MAGI2: variants seen among roughly 807,000 people sequenced by gnomAD.
MAGI2 encodes membrane-associated guanylate kinase, WW and PDZ domain-containing protein 2.
In MAGI2, 35 loss-of-function variants were observed where a neutral mutation model predicts 133.3. The observed-to-expected ratio is 0.26, with a 90% CI of 0.20 to 0.35. The LOEUF is 0.35. Among genes scored for constraint, MAGI2 ranks in the 10% least tolerant of loss-of-function variants. The pLI is 1.00. For synonymous variants in MAGI2, 729 were observed against 710.6 expected (o/e 1.03, Z -0.41); for missense variants, 1,636 against 1,863.4 (o/e 0.88, Z 2.25).
intron 9 of MAGI2, among the ~76,000 whole-genome samples, chr7:78,277,367 T>C (rs1170255503): frequency 2.0e-5 from 3 of 152,222 alleles, no homozygotes; most frequent in African/African-American, 7.2e-5. Context: ...CTCTTCTCTT[T>C]GGAATAACGT....
chr7:78,641,446 C>T (rs908850877), intron 2 of MAGI2, among the ~76,000 whole-genome samples: 5 of 152,188 alleles, frequency 3.3e-5, no homozygotes, highest in African/African-American at 7.2e-5. Context: ...CAAATGAGCA[C>T]AGCTGTGTTC....
chr7:78,303,780 C>T (rs1309814139), intron 9 of MAGI2, among the ~76,000 whole-genome samples: 2 of 152,168 alleles, frequency 1.3e-5, no homozygotes, highest in Non-Finnish European at 2.9e-5. Context: ...ATCTCATCTA[C>T]TCCCATGGTT....
At chr7:78,361,423 A>C in intron 7 of MAGI2, among the ~76,000 whole-genome samples, 2 of 150,622 alleles carry the variant, frequency 1.3e-5, no homozygotes, top group Non-Finnish European at 1.5e-5. Flanking sequence ...AGACAAATAC[A>C]ACCCCCCTCC....
chr7:78,298,244 G>A (rs184745502), intron 9 of MAGI2, among the ~76,000 whole-genome samples: 1 of 152,242 alleles, frequency 6.6e-6, no homozygotes, highest in Admixed American at 6.5e-5. Context: ...CTAAAAAACT[G>A]TCATGGCCAT....
intron 6 of MAGI2, among the ~76,000 whole-genome samples, chr7:78,386,330 T>C (rs1054387277): frequency 6.6e-6 from 1 of 152,168 alleles, no homozygotes; most frequent in African/African-American, 2.4e-5. Flanking sequence ...CTTTGTTTCA[T>C]GGTAGAAGGA....
At chr7:78,977,475 GAAAGAAAGAAAGAAAGAA>G (rs1473078840) in intron 2 of MAGI2, among the ~76,000 whole-genome samples, 198 of 3,590 alleles carry the variant, frequency 0.055, 1 homozygote, top group African/African-American at 0.11. Context: ...AAGAAAGAAA[GAAAGAAAGAAAGAAAGAA>G]AGAAAGAAAG....
At chr7:78,984,602 T>C (rs1584579634) in intron 2 of MAGI2, among the ~76,000 whole-genome samples, 1 of 151,894 alleles carries the variant, frequency 6.6e-6, no homozygotes, top group South Asian at 2.1e-4. Flanking sequence ...CAGCTTTTGT[T>C]GTCTTCCTTT....
chr7:78,910,717 T>C (rs1022710480), intron 2 of MAGI2, among the ~76,000 whole-genome samples: 1 of 152,208 alleles, frequency 6.6e-6, no homozygotes, highest in African/African-American at 2.4e-5. Flanking sequence ...ATCCTTTATA[T>C]ATTTTCTAAT....
chr7:78,793,975 G>C (rs1220090457), intron 2 of MAGI2, among the ~76,000 whole-genome samples: 4 of 152,020 alleles, frequency 2.6e-5, no homozygotes, highest in Admixed American at 6.6e-5. Flanking sequence ...TTTAAATTAG[G>C]GTTTTTTGAA....
chr7:78,655,564 C>T (rs1218755370), intron 2 of MAGI2, among the ~76,000 whole-genome samples: 8 of 149,892 alleles, frequency 5.3e-5, no homozygotes, highest in Admixed American at 2.7e-4. Context: ...TCCTTCAGGG[C>T]GGCATCACCA....
At chr7:78,666,528 G>C (rs527511968) in intron 2 of MAGI2, among the ~76,000 whole-genome samples, 1 of 152,116 alleles carries the variant, frequency 6.6e-6, no homozygotes, top group Non-Finnish European at 1.5e-5. Context: ...TCAAAATCTA[G>C]CCATTATATT....
At chr7:79,364,632 G>A (rs376581024) in intron 1 of MAGI2, among the ~76,000 whole-genome samples, 2 of 151,954 alleles carry the variant, frequency 1.3e-5, no homozygotes, top group Non-Finnish European at 1.5e-5. Context: ...TCCTATATTA[G>A]ATCCCACACA....
chr7:79,319,659 G>C (rs1457187599), intron 1 of MAGI2, among the ~76,000 whole-genome samples: 2 of 152,124 alleles, frequency 1.3e-5, no homozygotes, highest in African/African-American at 4.8e-5. Context: ...ATAGTTAAGT[G>C]GTCATAGGAG....
intron 1 of MAGI2, among the ~76,000 whole-genome samples, chr7:79,351,516 G>A (rs1216390460): frequency 3.3e-5 from 5 of 152,138 alleles, no homozygotes; most frequent in African/African-American, 1.2e-4. Context: ...TATAAATAAA[G>A]AGAGCAAGCT....
At chr7:78,407,969 T>C (rs945913892) in intron 6 of MAGI2, among the ~76,000 whole-genome samples, 57 of 151,958 alleles carry the variant, frequency 3.8e-4, no homozygotes, top group African/African-American at 1.1e-3. Flanking sequence ...CCAAGAAGCA[T>C]ATTATTTATT....
intron 1 of MAGI2, among the ~76,000 whole-genome samples, chr7:79,442,111 A>G (rs1011620986): frequency 6.6e-5 from 10 of 152,200 alleles, no homozygotes; most frequent in Non-Finnish European, 1.3e-4. Flanking sequence ...TCCACCAGCC[A>G]CTTTGCGATA....
intron 1 of MAGI2, among the ~76,000 whole-genome samples, chr7:79,106,251 A>G (rs1818438436): frequency 6.6e-6 from 1 of 152,174 alleles, no homozygotes; most frequent in Non-Finnish European, 1.5e-5. Context: ...CTGGAAAGAG[A>G]AGGACAATAG....
intron 7 of MAGI2, among the ~76,000 whole-genome samples, chr7:78,349,812 T>C (rs886266784): frequency 6.6e-6 from 1 of 152,228 alleles, no homozygotes; most frequent in Non-Finnish European, 1.5e-5. Context: ...GAAACTTGTC[T>C]TCCTTATGCT....
chr7:78,547,680 G>A (rs763451), intron 3 of MAGI2, among the ~76,000 whole-genome samples: 31,019 of 152,152 alleles, frequency 0.2, 3,836 homozygotes, highest in Non-Finnish European at 0.28. Flanking sequence ...CTCAGATTAC[G>A]ACAATTTAAA....
Sources: allele counts gnomAD v4.1 joint callset (sites outside exome capture counted in the v4.1 genomes callset), GRCh38; gene constraint gnomAD v4.1.1; transcripts MANE v1.5; gene names NCBI Gene and HGNC (gene_info 2026-07-23, HGNC 2026-07-21).